RBFOX1: variants seen among roughly 807,000 people sequenced by gnomAD.
The protein encoded by RBFOX1 is RNA binding fox-1 homolog 1.
Under a neutral mutation model 57.7 loss-of-function variants are expected in RBFOX1, and 8 were observed. The ratio of observed to expected loss-of-function variants is 0.14; its 90% CI spans 0.08 to 0.25. The LOEUF is 0.25. RBFOX1 is among the 10% of genes least tolerant of loss of function. The pLI is 1.00. For missense variants in RBFOX1, 611 were observed against 548.5 expected (o/e 1.11, Z -1.14); for synonymous variants, 326 against 222.4 (o/e 1.47, Z -4.15).
chr16:5,279,190 A>T (rs1046320615), intron 1 of RBFOX1, among the ~76,000 whole-genome samples: 2 of 151,916 alleles, frequency 1.3e-5, no homozygotes, highest in African/African-American at 4.8e-5. Flanking sequence ...CATTTTCACA[A>T]TATTAGTTAT....
intron 4 of RBFOX1, among the ~76,000 whole-genome samples, chr16:7,086,759 T>C (rs1486720793): frequency 2.4e-5 from 1 of 42,046 alleles, no homozygotes; most frequent in Non-Finnish European, 4.5e-5. Flanking sequence ...TTTGGTCTTC[T>C]AATGAGGGCG....
At chr16:7,548,683 G>T (rs988715175) in intron 5 of RBFOX1, among the ~76,000 whole-genome samples, 1 of 152,138 alleles carries the variant, frequency 6.6e-6, no homozygotes, top group Non-Finnish European at 1.5e-5. Flanking sequence ...AGCCAGTTTC[G>T]GCTGCTGTTC....
intron 9 of RBFOX1, among the ~76,000 whole-genome samples, chr16:7,600,135 A>G (rs1303467014): frequency 3.3e-5 from 5 of 152,138 alleles, no homozygotes; most frequent in African/African-American, 1.2e-4. Flanking sequence ...CCAGGTAGCC[A>G]TGCACTCAGT....
chr16:5,986,800 T>A (rs2060295185), intron 4 of RBFOX1, among the ~76,000 whole-genome samples: 1 of 152,158 alleles, frequency 6.6e-6, no homozygotes, highest in Non-Finnish European at 1.5e-5. Flanking sequence ...TGTGGGTTGT[T>A]TGGGGGTACT....
At chr16:5,926,915 G>C (rs2058950960) in intron 4 of RBFOX1, among the ~76,000 whole-genome samples, 1 of 152,170 alleles carries the variant, frequency 6.6e-6, no homozygotes, top group Non-Finnish European at 1.5e-5. Flanking sequence ...TATACAGTTT[G>C]GGAAGGCAAG....
intron 3 of RBFOX1, among the ~76,000 whole-genome samples, chr16:6,877,829 C>T (rs1381232072): frequency 6.6e-6 from 1 of 152,130 alleles, no homozygotes; most frequent in Non-Finnish European, 1.5e-5. Flanking sequence ...AGTCATCTAA[C>T]AGTCTTCTTC....
intron 4 of RBFOX1, 55 bp from the exon 5 acceptor site, chr16:7,518,092 G>T: frequency 1.3e-6 from 2 of 1,564,330 alleles, no homozygotes; most frequent in South Asian, 1.2e-5. Context: ...GAAGGTTTCT[G>T]CATGGTGGCT....
intron 1 of RBFOX1, among the ~76,000 whole-genome samples, chr16:6,030,389 G>C (rs890194631): frequency 6.6e-6 from 1 of 152,166 alleles, no homozygotes; most frequent in Non-Finnish European, 1.5e-5. Flanking sequence ...AGGAATCTCA[G>C]AGCTGATTTT....
chr16:6,630,150 C>T (rs1374788271), intron 2 of RBFOX1, among the ~76,000 whole-genome samples: 1 of 152,056 alleles, frequency 6.6e-6, no homozygotes, highest in African/African-American at 2.4e-5. Flanking sequence ...ACTTCAGCAT[C>T]ACCTTCACCC....
At chr16:7,581,841 G>A (rs1449194514) in intron 6 of RBFOX1, among the ~76,000 whole-genome samples, 1 of 152,100 alleles carries the variant, frequency 6.6e-6, no homozygotes, top group Non-Finnish European at 1.5e-5. Flanking sequence ...CTCCCAAGTA[G>A]CTGGGACTAC....
At chr16:7,173,284 G>T (rs1013587162) in intron 4 of RBFOX1, among the ~76,000 whole-genome samples, 6 of 152,140 alleles carry the variant, frequency 3.9e-5, no homozygotes, top group African/African-American at 1.4e-4. Flanking sequence ...AATCCAACGT[G>T]CATTTAGAAA....
chr16:7,348,451 A>G (rs9934586), intron 4 of RBFOX1, among the ~76,000 whole-genome samples: 24,964 of 151,812 alleles, frequency 0.16, 3,065 homozygotes, highest in African/African-American at 0.36. Context: ...GACTAAGGTG[A>G]TGTCTTAAAC....
intron 4 of RBFOX1, among the ~76,000 whole-genome samples, chr16:7,191,640 G>C (rs974381115): frequency 6.6e-6 from 1 of 152,168 alleles, no homozygotes; most frequent in African/African-American, 2.4e-5. Context: ...TTTTAAGCTA[G>C]GCATATCATT....
At chr16:5,556,419 C>T (rs2151095338) in intron 2 of RBFOX1, among the ~76,000 whole-genome samples, 1 of 152,312 alleles carries the variant, frequency 6.6e-6, no homozygotes, top group Non-Finnish European at 1.5e-5. Flanking sequence ...CTTGAGTTCC[C>T]AGAGGCAACG....
intron 1 of RBFOX1, among the ~76,000 whole-genome samples, chr16:5,390,548 C>T (rs1031887174): frequency 6.6e-6 from 1 of 152,150 alleles, no homozygotes; most frequent in Non-Finnish European, 1.5e-5. Flanking sequence ...CTCGGCCTCC[C>T]AAAGTGCTGG....
intron 3 of RBFOX1, among the ~76,000 whole-genome samples, chr16:5,684,029 G>C (rs923453643): frequency 3.3e-5 from 5 of 151,960 alleles, no homozygotes; most frequent in Admixed American, 2.6e-4. Context: ...TGCATTATTA[G>C]CTTTTAAAAA....
intron 2 of RBFOX1, among the ~76,000 whole-genome samples, chr16:6,349,228 TC>T (rs1261347136): frequency 6.6e-6 from 1 of 152,122 alleles, no homozygotes; most frequent in African/African-American, 2.4e-5. Context: ...CCTTCAGAAC[TC>T]AAAGCAGATA....
At chr16:6,586,399 C>G (rs1458292515) in intron 2 of RBFOX1, among the ~76,000 whole-genome samples, 2 of 152,158 alleles carry the variant, frequency 1.3e-5, no homozygotes, top group Non-Finnish European at 2.9e-5. Flanking sequence ...TCCAGTGCGT[C>G]TTAATTTTGT....
At chr16:7,205,681 T>C (rs1324569505) in intron 4 of RBFOX1, among the ~76,000 whole-genome samples, 1 of 152,206 alleles carries the variant, frequency 6.6e-6, no homozygotes, top group Non-Finnish European at 1.5e-5. Flanking sequence ...ATTAATAACA[T>C]TGACGTAAAC....
Sources: allele counts gnomAD v4.1 joint callset (sites outside exome capture counted in the v4.1 genomes callset), GRCh38; gene constraint gnomAD v4.1.1; transcripts MANE v1.5; gene names NCBI Gene and HGNC (gene_info 2026-07-23, HGNC 2026-07-21).